TRAF2: variants seen among roughly 807,000 people sequenced by gnomAD.
TRAF2 encodes TNF receptor-associated factor 2.
In TRAF2, 6 loss-of-function variants were observed where a neutral mutation model predicts 55.6. The observed-to-expected ratio is 0.11, with a 90% CI of 0.06 to 0.21. TRAF2 has a LOEUF of 0.21. Among genes scored for constraint, TRAF2 ranks in the 10% least tolerant of loss-of-function variants. The pLI, the probability that TRAF2 is intolerant of heterozygous loss-of-function variation, is 1.00. For missense variants in TRAF2, 561 were observed against 684.5 expected (o/e 0.82, Z 2.01); for synonymous variants, 329 against 276.3 (o/e 1.19, Z -1.89).
rs1850460450 is a variant in TRAF2, at chr9:136,923,949, G to T, written c.1236G>T (p.Val412=). The T allele has an allele frequency of 6.2e-7, 1 of 1,613,900 alleles. No individual in the cohort carries two copies. The highest frequency in any genetic ancestry group is 8.5e-7 in the Non-Finnish European group (1 of 1,180,012). The change falls in exon 10 of 11, where the codon GTG becomes GTT. Residue 412 remains valine, a synonymous_variant. Coordinates refer to ENST00000247668, the MANE Select transcript of TRAF2 (RefSeq NM_021138.4). ...GAACACACCTGTCCCTCTTCTTTGT[G>T]GTGATGAAGGGCCCGAATGACGCCC... The part of the protein sequence containing the change: ...GRGTHLSLFF[V]VMKGPNDALL...
chr9:136,886,604 G>A, intron 1 of TRAF2, 63 bp downstream of exon 1: 1 of 976,408 alleles, frequency 1.0e-6, no homozygotes, highest in Non-Finnish European at 1.2e-6. Flanking sequence ...TGCGGGGTCG[G>A]GCGCGGGGTC....
chr9:136,895,952 C>T (rs1344911729), intron 1 of TRAF2, among the ~76,000 whole-genome samples: 1 of 152,080 alleles, frequency 6.6e-6, no homozygotes, highest in Non-Finnish European at 1.5e-5. Context: ...CTGGAGGCCG[C>T]CCTCCACCCT....
intron 6 of TRAF2, among the ~76,000 whole-genome samples, chr9:136,913,155 T>G (rs1237983709): frequency 2.0e-5 from 3 of 151,792 alleles, no homozygotes; most frequent in Non-Finnish European, 4.4e-5. Context: ...AAAAAAACAA[T>G]AAACAAAAAC....
In TRAF2 at chr9:136,925,832, G is replaced by A. The variant is rs1458251354; in HGVS notation, c.1437G>A (p.Glu479=). The change falls in exon 11 of 11, where the codon GAG becomes GAA. Residue 479 remains glutamate (E), a synonymous_variant. Coordinates refer to ENST00000247668, the MANE Select transcript of TRAF2 (RefSeq NM_021138.4). ...TCTTCTGCCCCGTCTCCAAGATGGAGGCAAAGAATTCCTACGTGCGGGACG... is the reference window on the plus strand; with the variant it reads ...TCTTCTGCCCCGTCTCCAAGATGGAAGCAAAGAATTCCTACGTGCGGGACG... ...CPLFCPVSKM[E]AKNSYVRDDA... 2 of 1,614,254 alleles carry A rather than the reference G, an allele frequency of 1.2e-6. No individual in the cohort carries two copies. Among genetic ancestry groups the A allele is most frequent in the Non-Finnish European group, 8.5e-7 (1 of 1,180,054 alleles).
At chr9:136,909,879 A>G (rs1210365286) in intron 5 of TRAF2, 41 bp from the exon 6 acceptor site, 22 of 1,610,462 alleles carry the variant, frequency 1.4e-5, no homozygotes, top group Non-Finnish European at 1.8e-5. Flanking sequence ...CGCGCCTGGC[A>G]TTGGCGTCCA....
At chr9:136,911,292 G>C (rs1850100503) in intron 6 of TRAF2, among the ~76,000 whole-genome samples, 1 of 136,006 alleles carries the variant, frequency 7.4e-6, no homozygotes, top group Non-Finnish European at 1.5e-5. Flanking sequence ...TTTGGAGACA[G>C]AGTTTCGCTC....
At chr9:136,890,840 GACC>G (rs1849567183) in intron 1 of TRAF2, among the ~76,000 whole-genome samples, 1 of 152,184 alleles carries the variant, frequency 6.6e-6, no homozygotes, top group South Asian at 2.1e-4. Context: ...AATGATCCCC[GACC>G]TTCCAGCCGT....
intron 6 of TRAF2, among the ~76,000 whole-genome samples, chr9:136,915,284 G>A (rs766112396): frequency 5.9e-5 from 9 of 152,248 alleles, no homozygotes; most frequent in Middle Eastern, 3.4e-3. Context: ...CAGGCTCCCC[G>A]TCCGCAGCGC....
At chr9:136,890,927 T>C (rs1344753238) in intron 1 of TRAF2, among the ~76,000 whole-genome samples, 2 of 152,074 alleles carry the variant, frequency 1.3e-5, no homozygotes, top group Non-Finnish European at 2.9e-5. Context: ...ACGTGCACTT[T>C]GTTGTGAACC....
intron 1 of TRAF2, among the ~76,000 whole-genome samples, chr9:136,895,868 AAAG>A (rs1470861312): frequency 5.3e-5 from 6 of 112,780 alleles, no homozygotes; most frequent in African/African-American, 2.0e-4. Flanking sequence ...AAAAAAAAAA[AAAG>A]GAATGGTTCT....
chr9:136,914,507 C>T (rs530808379), intron 6 of TRAF2, among the ~76,000 whole-genome samples: 80 of 152,352 alleles, frequency 5.3e-4, no homozygotes, highest in Non-Finnish European at 9.0e-4. Context: ...TCCCGCAGCC[C>T]AGTGTTTCAT....
At chr9:136,900,344 G>A in intron 3 of TRAF2, 78 bp from the exon 4 acceptor site, 1 of 1,000,130 alleles carries the variant, frequency 1.0e-6, no homozygotes, top group Non-Finnish European at 1.5e-6. Context: ...TGGTTGGTTT[G>A]GACGTGTGGT....
chr9:136,883,595 CA>C (rs1411040973), upstream of TRAF2, among the ~76,000 whole-genome samples: 1 of 152,150 alleles, frequency 6.6e-6, no homozygotes, highest in Non-Finnish European at 1.5e-5. Flanking sequence ...CGGCTCACTG[CA>C]ACCTCTGCCT....
intron 7 of TRAF2, among the ~76,000 whole-genome samples, chr9:136,917,124 C>T (rs1185574634): frequency 1.3e-5 from 2 of 152,200 alleles, no homozygotes; most frequent in African/African-American, 4.8e-5. Context: ...CCGTCACTGC[C>T]CTGTCCACAT....
chr9:136,908,532 C>G (rs1377993899), intron 5 of TRAF2, among the ~76,000 whole-genome samples: 1 of 151,874 alleles, frequency 6.6e-6, no homozygotes, highest in African/African-American at 2.4e-5. Context: ...ACCAGCCTGG[C>G]CAACATGGTG....
intron 4 of TRAF2, 48 bp from the exon 5 acceptor site, chr9:136,908,022 C>T (rs367617380): frequency 1.3e-6 from 2 of 1,561,144 alleles, no homozygotes; most frequent in South Asian, 1.2e-5. Context: ...TGTGGCTGCC[C>T]AAATGTCCCA....
chr9:136,914,314 A>G (rs1358414413), intron 6 of TRAF2, among the ~76,000 whole-genome samples: 1 of 151,282 alleles, frequency 6.6e-6, no homozygotes, highest in African/African-American at 2.4e-5. Flanking sequence ...GGGCGATCGC[A>G]CCCCCCATTC....
At chr9:136,886,431 T>C, upstream of TRAF2, 1 of 1,000,880 alleles carries the variant, frequency 1.0e-6, no homozygotes, top group Non-Finnish European at 1.2e-6. Context: ...GCTGGCTGGT[T>C]GGCTCCCATG....
intron 6 of TRAF2, 36 bp downstream of exon 6, chr9:136,910,030 C>CG (rs1190581840): frequency 1.3e-6 from 2 of 1,528,192 alleles, no homozygotes; most frequent in Non-Finnish European, 1.8e-6. Flanking sequence ...GACCGCAGGG[C>CG]GGGGCCCATG....
Sources: gnomAD v4.1 joint callset for allele counts (sites outside exome capture counted in the v4.1 genomes callset) on GRCh38, gnomAD v4.1.1 for gene constraint, MANE v1.5 for transcripts, NCBI Gene and HGNC (gene_info 2026-07-23, HGNC 2026-07-21) for gene names.